SLC10A7: variants seen among roughly 807,000 people sequenced by gnomAD.
The protein encoded by SLC10A7 is solute carrier family 10 member 7.
A neutral mutation model predicts 43.2 loss-of-function variants in SLC10A7; 29 were observed. The observed-to-expected ratio is 0.67, with a 90% CI of 0.50 to 0.92. SLC10A7 has a LOEUF of 0.92. SLC10A7 is among the 40% of genes least tolerant of loss of function. SLC10A7 has a pLI of 0.00. For missense variants in SLC10A7, 295 were observed against 403.2 expected (o/e 0.73, Z 2.30); for synonymous variants, 152 against 144.8 (o/e 1.05, Z -0.35).
intron 10 of SLC10A7, among the ~76,000 whole-genome samples, chr4:146,272,532 A>C (rs959870717): frequency 1.3e-5 from 2 of 152,162 alleles, no homozygotes; most frequent in African/African-American, 4.8e-5. Flanking sequence ...TACTGCAAAG[A>C]AGCATGGAGC....
chr4:146,286,517 G>A (rs1729965205), intron 9 of SLC10A7, among the ~76,000 whole-genome samples: 1 of 151,812 alleles, frequency 6.6e-6, no homozygotes, highest in Admixed American at 6.6e-5. Context: ...TGTGTTTGGA[G>A]TGGTGAGAAG....
intron 4 of SLC10A7, among the ~76,000 whole-genome samples, chr4:146,475,720 A>C (rs1435222598): frequency 2.0e-5 from 3 of 152,218 alleles, no homozygotes; most frequent in African/African-American, 4.8e-5. Context: ...AACTACAGAA[A>C]TTGATCAAAC....
chr4:146,398,740 A>C (rs1407089245), intron 5 of SLC10A7, among the ~76,000 whole-genome samples: 1 of 152,240 alleles, frequency 6.6e-6, no homozygotes, highest in Non-Finnish European at 1.5e-5. Flanking sequence ...AAGAATGGAG[A>C]GAAAAAATAG....
intron 7 of SLC10A7, among the ~76,000 whole-genome samples, chr4:146,294,605 T>C (rs749421104): frequency 1.3e-5 from 2 of 152,226 alleles, no homozygotes; most frequent in African/African-American, 2.4e-5. Flanking sequence ...AATTAAATTA[T>C]AACTCATGCT....
At chr4:146,262,250 A>G (rs900601762) in intron 10 of SLC10A7, among the ~76,000 whole-genome samples, 22 of 152,222 alleles carry the variant, frequency 1.4e-4, no homozygotes, top group Non-Finnish European at 2.9e-5. Context: ...AAGTTGGGAT[A>G]AGCAGAGTGA....
chr4:146,313,942 A>G lies in SLC10A7; in HGVS notation c.472-7933T>C, dbSNP rs544762238. ...TGCCTGCTTCTTTTTCCTCTTACCT[A>G]TATTACTTAGGATATAATGTTCAAG... On this transcript the variant is annotated intron_variant, in intron 6 of 11. Transcript: ENST00000335472. Among the ~76,000 whole-genome samples, 74 of 152,120 alleles carry G rather than the reference A, an allele frequency of 4.9e-4. 1 individual carries two copies. Among genetic ancestry groups the G allele is most frequent in the Admixed American group, 1.4e-3 (22 of 15,264 alleles).
intron 10 of SLC10A7, among the ~76,000 whole-genome samples, chr4:146,271,317 C>T (rs1264397633): frequency 6.6e-6 from 1 of 152,178 alleles, no homozygotes; most frequent in African/African-American, 2.4e-5. Flanking sequence ...TTCCCTAAGC[C>T]AGTAAATGGA....
intron 7 of SLC10A7, among the ~76,000 whole-genome samples, chr4:146,302,985 G>A (rs1282370227): frequency 6.6e-6 from 1 of 152,166 alleles, no homozygotes; most frequent in Non-Finnish European, 1.5e-5. Context: ...AGTGTTAGGT[G>A]AGTAAAATAT....
At chr4:146,375,696 C>A (rs1246502692) in intron 5 of SLC10A7, among the ~76,000 whole-genome samples, 5 of 152,018 alleles carry the variant, frequency 3.3e-5, no homozygotes, top group Non-Finnish European at 5.9e-5. Context: ...TAAGAAAAAC[C>A]CTAGTGTTTT....
At chr4:146,476,987 C>T (rs974404286) in intron 4 of SLC10A7, among the ~76,000 whole-genome samples, 1 of 151,420 alleles carries the variant, frequency 6.6e-6, no homozygotes, top group African/African-American at 2.4e-5. Flanking sequence ...GTTCTTTGTA[C>T]AATAAGCCAG....
At chr4:146,453,627 C>T (rs1199623181) in intron 4 of SLC10A7, among the ~76,000 whole-genome samples, 1 of 151,968 alleles carries the variant, frequency 6.6e-6, no homozygotes, top group African/African-American at 2.4e-5. Flanking sequence ...GAATAACCTA[C>T]ATTGTGCTGA....
intron 10 of SLC10A7, among the ~76,000 whole-genome samples, chr4:146,282,277 G>A (rs1472345637): frequency 6.6e-6 from 1 of 152,122 alleles, no homozygotes; most frequent in Non-Finnish European, 1.5e-5. Flanking sequence ...AACTTGGTAA[G>A]ACTGACAGTA....
chr4:146,289,646 G>T (rs553344111), intron 9 of SLC10A7, among the ~76,000 whole-genome samples: 2 of 144,620 alleles, frequency 1.4e-5, no homozygotes, highest in Non-Finnish European at 1.5e-5. Flanking sequence ...CTAGGACAGA[G>T]AAAAGTAAAA....
At chr4:146,431,181 A>C (rs1729749564) in intron 5 of SLC10A7, among the ~76,000 whole-genome samples, 1 of 152,162 alleles carries the variant, frequency 6.6e-6, no homozygotes, top group African/African-American at 2.4e-5. Context: ...CCTAAGATAG[A>C]AAAGCAATTT....
chr4:146,411,015 T>A (rs1338592063), intron 5 of SLC10A7, among the ~76,000 whole-genome samples: 3 of 152,036 alleles, frequency 2.0e-5, no homozygotes, highest in Non-Finnish European at 4.4e-5. Context: ...CTGTTTTTTT[T>A]AGTAAAGATG....
intron 5 of SLC10A7, among the ~76,000 whole-genome samples, chr4:146,354,626 T>C (rs2149751756): frequency 6.6e-6 from 1 of 150,660 alleles, no homozygotes; most frequent in South Asian, 2.1e-4. Flanking sequence ...TCACACTACC[T>C]GACTTCAAAC....
intron 5 of SLC10A7, among the ~76,000 whole-genome samples, chr4:146,426,754 A>T (rs1729386958): frequency 6.6e-6 from 1 of 151,766 alleles, no homozygotes; most frequent in African/African-American, 2.4e-5. Context: ...ATGCGCCTGT[A>T]ACCCCAGCTA....
At chr4:146,329,588 G>C (rs975017863) in intron 5 of SLC10A7, among the ~76,000 whole-genome samples, 2 of 152,140 alleles carry the variant, frequency 1.3e-5, no homozygotes, top group Non-Finnish European at 2.9e-5. Flanking sequence ...CTCTTGAATG[G>C]TGTAAATAAA....
chr4:146,275,633 G>A (rs990564996), intron 10 of SLC10A7, among the ~76,000 whole-genome samples: 1 of 152,104 alleles, frequency 6.6e-6, no homozygotes, highest in Non-Finnish European at 1.5e-5. Context: ...ATAAGTTCTG[G>A]ATTCTTTCCA....
Sources: gnomAD v4.1 joint callset for allele counts (sites outside exome capture counted in the v4.1 genomes callset) on GRCh38, gnomAD v4.1.1 for gene constraint, MANE v1.5 for transcripts, NCBI Gene and HGNC (gene_info 2026-07-23, HGNC 2026-07-21) for gene names.